Variants in CLTRN observed in about 807,000 individuals in gnomAD.
CLTRN encodes the protein collectrin.
CLTRN carries 12 observed loss-of-function variants against 14.5 expected under a neutral mutation model. That is an observed-to-expected ratio of 0.83 (90% CI 0.53 to 1.34). CLTRN has a LOEUF of 1.34. Among genes scored for constraint, CLTRN ranks in the 40% most tolerant of loss-of-function variants. CLTRN has a pLI of 0.00. For synonymous variants in CLTRN, 58 were observed against 56.5 expected, an observed-to-expected ratio of 1.03 and a Z score of -0.12; for missense variants, 154 against 165.1, an observed-to-expected ratio of 0.93 and a Z score of 0.37.
chrX:15,660,492 C>G (rs1206163793), intron 2 of CLTRN, among the ~76,000 whole-genome samples: 1 of 110,104 alleles, frequency 9.1e-6, no homozygotes, highest in East Asian at 2.8e-4. Flanking sequence ...TTATGTAACT[C>G]TGCTGTAAGA....
At chrX:15,670,310 C>CACAT (rs1294311376) in intron 1 of CLTRN, among the ~76,000 whole-genome samples, 1 of 83,926 alleles carries the variant, frequency 1.2e-5, no homozygotes, top group East Asian at 3.2e-4. Context: ...AAAAACAAAA[C>CACAT]ACACACACAC....
chrX:15,674,024 G>C (rs1006341136), intron 1 of CLTRN, among the ~76,000 whole-genome samples: 1 of 111,898 alleles, frequency 8.9e-6, no homozygotes, highest in African/African-American at 3.3e-5. Flanking sequence ...CTCAATTCTT[G>C]TGCCATCTAA....
At chrX:15,650,664 C>T (rs750801635) in intron 3 of CLTRN, among the ~76,000 whole-genome samples, 1 of 112,182 alleles carries the variant, frequency 8.9e-6, no homozygotes, top group South Asian at 3.7e-4. Flanking sequence ...GTCCTTCCTA[C>T]ATGATGTTTC....
At chrX:15,638,534 A>G (rs1928868352) in intron 5 of CLTRN, among the ~76,000 whole-genome samples, 1 of 112,114 alleles carries the variant, frequency 8.9e-6, no homozygotes, top group Non-Finnish European at 1.9e-5. Flanking sequence ...TTTAAAAACC[A>G]TGTCCCTGTT....
intron 2 of CLTRN, among the ~76,000 whole-genome samples, chrX:15,660,968 ATTATACTATGAAAGTT>A (rs1394930509): frequency 8.9e-6 from 1 of 112,826 alleles, no homozygotes; most frequent in Non-Finnish European, 1.9e-5. Flanking sequence ...TTCATTTGAT[ATTATACTATGAAAGTT>A]TAAAAGTAAC....
At chrX:15,648,712 G>A (rs747434146) in intron 3 of CLTRN, among the ~76,000 whole-genome samples, 201 of 110,085 alleles carry the variant, frequency 1.8e-3, no homozygotes, top group African/African-American at 6.2e-3. Context: ...TCAGGAGGCT[G>A]AGGCAGGAGA....
chrX:15,667,060 A>G (rs1353333913), upstream of CLTRN, among the ~76,000 whole-genome samples: 2 of 109,735 alleles, frequency 1.8e-5, no homozygotes, highest in Non-Finnish European at 3.8e-5. Context: ...AGATGGTGAA[A>G]CCCCATCTCT....
chrX:15,671,854 A>G lies in CLTRN; in HGVS notation c.-506+3135T>C, dbSNP rs868473251. ...CTTAATTTTATGCGCGCACACACAC[A>G]CACACACACACACACACACACACAC... On this transcript the variant is annotated intron_variant, in intron 1 of 6. Coordinates refer to the CLTRN transcript ENST00000650271. Among the ~76,000 whole-genome samples, 413 of 82,469 alleles carry G rather than the reference A, an allele frequency of 5.0e-3. 2 individuals are homozygous for G. The highest frequency in any genetic ancestry group is 0.026 in the East Asian group (66 of 2,520). 71.6% of individuals were successfully genotyped at this position (82,469 alleles called of 115,157 possible).
intron 5 of CLTRN, 115 bp from the exon 6 acceptor site, chrX:15,628,242 G>T: frequency 2.1e-6 from 1 of 484,604 alleles, no homozygotes. Flanking sequence ...TTAGAACAAT[G>T]AAATAATTTA....
intron 4 of CLTRN, among the ~76,000 whole-genome samples, chrX:15,640,806 C>A (rs1003517244): frequency 1.8e-5 from 2 of 112,028 alleles, no homozygotes; most frequent in African/African-American, 3.3e-5. Flanking sequence ...GCTGGAGATA[C>A]AACGTGAAAT....
At chrX:15,670,948 A>G in intron 1 of CLTRN, among the ~76,000 whole-genome samples, 1 of 100,428 alleles carries the variant, frequency 1.0e-5, no homozygotes, top group African/African-American at 3.6e-5. Context: ...GGTTTCTCTA[A>G]GGCTAAGAAT....
At chrX:15,670,423 T>G (rs1330684645) in intron 1 of CLTRN, among the ~76,000 whole-genome samples, 1 of 110,828 alleles carries the variant, frequency 9.0e-6, no homozygotes, top group Non-Finnish European at 1.9e-5. Flanking sequence ...TGTAGAATTT[T>G]AATAAATGAC....
intron 3 of CLTRN, among the ~76,000 whole-genome samples, chrX:15,656,683 G>A (rs1237875521): frequency 1.8e-5 from 2 of 111,322 alleles, no homozygotes; most frequent in African/African-American, 6.5e-5. Context: ...ATTATGTGGT[G>A]CCCTTTCCCA....
At chrX:15,630,357 C>CAAGA (rs201938672) in intron 5 of CLTRN, among the ~76,000 whole-genome samples, 1,897 of 60,562 alleles carry the variant, frequency 0.031, 39 homozygotes, top group Admixed American at 0.11. Context: ...GGCTTTACCA[C>CAAGA]AAGAAAGAAG....
intron 2 of CLTRN, among the ~76,000 whole-genome samples, chrX:15,662,164 T>C (rs1023436398): frequency 4.5e-5 from 5 of 110,471 alleles, no homozygotes; most frequent in African/African-American, 1.6e-4. Context: ...GAGAGAGAAC[T>C]GATGGTCAAT....
At chrX:15,658,477 G>C (rs1299699589) in intron 3 of CLTRN, among the ~76,000 whole-genome samples, 2 of 112,187 alleles carry the variant, frequency 1.8e-5, no homozygotes, top group East Asian at 5.5e-4. Flanking sequence ...GAAGGGAATA[G>C]AGAAAGACCA....
At chrX:15,650,080 G>T (rs1437401934) in intron 3 of CLTRN, among the ~76,000 whole-genome samples, 2 of 97,707 alleles carry the variant, frequency 2.0e-5, no homozygotes, top group Non-Finnish European at 4.1e-5. Context: ...AGCATCCCTA[G>T]CCTCTACATA....
chrX:15,653,866 T>G (rs1322861482), intron 3 of CLTRN, among the ~76,000 whole-genome samples: 1 of 112,913 alleles, frequency 8.9e-6, no homozygotes, highest in Non-Finnish European at 1.9e-5. Context: ...CTGGTGGAAT[T>G]ATTTGAATTC....
intron 2 of CLTRN, 115 bp from the exon 3 acceptor site, chrX:15,659,216 A>G (rs928864948): frequency 2.3e-5 from 6 of 263,244 alleles, no homozygotes; most frequent in African/African-American, 6.0e-5. Context: ...ACACACACGC[A>G]CACACACACA....
Sources: gnomAD v4.1 joint callset for allele counts (sites outside exome capture counted in the v4.1 genomes callset) on GRCh38, gnomAD v4.1.1 for gene constraint, MANE v1.5 for transcripts, NCBI Gene and HGNC (gene_info 2026-07-23, HGNC 2026-07-21) for gene names.